Variants in LOXL1 observed in about 807,000 individuals in gnomAD.
LOXL1 encodes the protein lysyl oxidase like 1, also known as lysyl oxidase homolog 1.
In LOXL1, 31 loss-of-function variants were observed where a neutral mutation model predicts 62.2. The observed-to-expected ratio is 0.50, with a 90% CI of 0.37 to 0.67. The LOEUF is 0.67. Among genes scored for constraint, LOXL1 ranks in the 30% least tolerant of loss-of-function variants. The probability of loss-of-function intolerance (pLI) is 0.00; values close to 1 mark genes in which losing one functional copy is unlikely to be tolerated. For missense variants in LOXL1, 775 were observed against 843.4 expected (o/e 0.92, Z 1.00); for synonymous variants, 403 against 384.4 (o/e 1.05, Z -0.56).
At chr15:73,947,460 A>AT in intron 4 of LOXL1, 1 of 520,810 alleles carries the variant, frequency 1.9e-6, no homozygotes, top group East Asian at 3.1e-5. Context: ...AGAAGGAAAC[A>AT]TCGCAACAGT....
chr15:73,927,383 G>A lies in LOXL1; in HGVS notation c.600G>A (p.Gln200=). ...ACCCCGCGTCGCGGACCTACGACCA[G>A]GGTTTCGTGTACTACCGGCCCGCGG... The part of the protein sequence containing the change: ...NYDPASRTYD[Q]GFVYYRPAGG... Residue 200 remains glutamine, a synonymous_variant, in exon 1 of 7, where the codon CAG becomes CAA. Transcript: ENST00000261921. The A allele has an allele frequency of 1.9e-6, 3 of 1,585,950 alleles. No homozygotes were observed. The highest frequency in any genetic ancestry group is 2.3e-5 in the South Asian group (2 of 88,460).
intron 1 of LOXL1, among the ~76,000 whole-genome samples, chr15:73,938,002 G>T (rs552349187): frequency 6.6e-6 from 1 of 152,178 alleles, no homozygotes; most frequent in Non-Finnish European, 1.5e-5. Context: ...AAAACAGGAG[G>T]CTGGCCGGGT....
intron 1 of LOXL1, chr15:73,928,176 C>T (rs546438103): frequency 1.4e-5 from 5 of 359,336 alleles, no homozygotes; most frequent in South Asian, 1.4e-4. Flanking sequence ...GGAGGAGGCT[C>T]GCCTTCTGCA....
chr15:73,944,963 G>C (rs1372511244), intron 2 of LOXL1, among the ~76,000 whole-genome samples: 1 of 152,172 alleles, frequency 6.6e-6, no homozygotes, highest in Non-Finnish European at 1.5e-5. Flanking sequence ...CTTAGGATCG[G>C]ACCTTAATGA....
chr15:73,944,884 C>T lies in LOXL1; in HGVS notation c.1212-1533C>T, dbSNP rs530089119. On this transcript the variant is annotated intron_variant, in intron 2 of 6. Coordinates refer to ENST00000261921, the MANE Select transcript of LOXL1 (RefSeq NM_005576.4). ...TTTCATCCTGGCAGACAGTCTGAGC[C>T]GCCTGTTGTCCAGACATTCTCTCAA... Among the ~76,000 whole-genome samples, 14 of 152,304 alleles carry T rather than the reference C, an allele frequency of 9.2e-5. No individual in the cohort carries two copies. In the South Asian group the frequency reaches 1.7e-3, roughly 18 times the overall value.
intron 1 of LOXL1, among the ~76,000 whole-genome samples, chr15:73,940,352 C>G (rs868123988): frequency 6.6e-6 from 1 of 152,054 alleles, no homozygotes; most frequent in Admixed American, 6.6e-5. Flanking sequence ...TCCAATTCTC[C>G]ACATGCAGTA....
In LOXL1 at chr15:73,926,894, C is replaced by G; in HGVS notation, c.111C>G (p.Ala37=). ...QAQPGQGSDP[A]RWRQLIQWEN... ...AGCCCGGGCAGGGCTCGGACCCCGCCCGCTGGCGGCAGCTGATCCAGTGGG... is the reference window on the plus strand; with the variant it reads ...AGCCCGGGCAGGGCTCGGACCCCGCGCGCTGGCGGCAGCTGATCCAGTGGG... Residue 37 remains alanine, a synonymous_variant, in exon 1 of 7, where the codon GCC becomes GCG. Coordinates refer to ENST00000261921, the MANE Select transcript of LOXL1 (RefSeq NM_005576.4). The G allele has an allele frequency of 6.4e-7, 1 of 1,564,630 alleles. No homozygotes were observed. Among genetic ancestry groups the G allele is most frequent in the Non-Finnish European group, 8.7e-7 (1 of 1,155,536 alleles).
chr15:73,942,809 C>A, intron 1 of LOXL1, 45 bp from the exon 2 acceptor site: 1 of 1,217,314 alleles, frequency 8.2e-7, no homozygotes, highest in South Asian at 1.2e-5. Flanking sequence ...CTCTCAATGT[C>A]ATGCTCTTCC....
Position 73,927,421 on chromosome 15 carries a change from G to C in LOXL1, c.638G>C (p.Gly213Ala), listed in dbSNP as rs535750269. Residue 213 changes from glycine to alanine, a missense_variant, in exon 1 of 7, where the codon GGC becomes GCC. Gly to Ala is a moderately conservative substitution (Grantham distance 60). Transcript: ENST00000261921. ...VYYRPAGGGVGAGAAAVASAG... is the reference protein window; with the variant it reads ...VYYRPAGGGVAAGAAAVASAG... ...TACCGGCCCGCGGGCGGCGGCGTGG[G>C]CGCGGGGGCGGCGGCCGTGGCCTCG... The C allele has an allele frequency of 6.6e-7, 1 of 1,508,616 alleles. No homozygotes were observed. Among genetic ancestry groups the C allele is most frequent in the African/African-American group, 1.4e-5 (1 of 69,444 alleles). The allele number at this position is 1,508,616 out of a possible 1,614,324, so 93.5% of individuals were successfully genotyped here. A position where few individuals can be genotyped will look rare whatever the true frequency, so the allele number is the denominator to read the frequency against.
At chr15:73,941,928 C>T (rs1433966774) in intron 1 of LOXL1, 6 of 252,858 alleles carry the variant, frequency 2.4e-5, no homozygotes, top group Admixed American at 2.4e-4. Context: ...GGGGCAGGAA[C>T]AGGACGGACA....
intron 1 of LOXL1, among the ~76,000 whole-genome samples, chr15:73,936,028 A>G (rs78785362): frequency 2.6e-5 from 2 of 77,650 alleles, no homozygotes; most frequent in Non-Finnish European, 6.5e-5. Flanking sequence ...CCATGGAGTC[A>G]GGGGGTAAAA....
intron 6 of LOXL1, among the ~76,000 whole-genome samples, chr15:73,951,516 A>C (rs898809513): frequency 1.3e-5 from 2 of 152,130 alleles, no homozygotes; most frequent in African/African-American, 4.8e-5. Context: ...GCTTAAAAAA[A>C]AAAAAGTACT....
At chr15:73,942,030 GC>G in intron 1 of LOXL1, 1 of 181,042 alleles carries the variant, frequency 5.5e-6, no homozygotes, top group Non-Finnish European at 1.3e-5. Flanking sequence ...CCCAGGCCTT[GC>G]AGGGGAGAGA....
intron 2 of LOXL1, among the ~76,000 whole-genome samples, chr15:73,946,119 G>A (rs1186441175): frequency 6.6e-6 from 1 of 152,210 alleles, no homozygotes; most frequent in Non-Finnish European, 1.5e-5. Flanking sequence ...GTCACCTGCA[G>A]GTATCAGGGA....
intron 1 of LOXL1, 148 bp downstream of exon 1, chr15:73,928,033 A>G (rs1364682184): frequency 1.4e-5 from 9 of 637,704 alleles, no homozygotes; most frequent in Non-Finnish European, 2.0e-5. Flanking sequence ...ACTTCCCCCG[A>G]CCCAGCCAAC....
chr15:73,927,475 G>A lies in LOXL1; in HGVS notation c.692G>A (p.Arg231Gln). The A allele has an allele frequency of 6.9e-7, 1 of 1,452,938 alleles. No individual in the cohort carries two copies. Among genetic ancestry groups the A allele is most frequent in the Non-Finnish European group, 9.0e-7 (1 of 1,106,994 alleles). 90.0% of individuals were successfully genotyped at this position (1,452,938 alleles called of 1,614,324 possible). Residue 231 changes from arginine (R) to glutamine (Q), a missense_variant, in exon 1 of 7, where the codon CGG becomes CAG. By Grantham distance (43) the Arg-to-Gln change is conservative. Coordinates refer to ENST00000261921, the MANE Select transcript of LOXL1 (RefSeq NM_005576.4). ...GGGGTCATCTACCCCTACCAGCCCC[G>A]GGCGCGCTACGAGGAGTACGGCGGC... ...SAGVIYPYQPRARYEEYGGGE... is the reference protein window; with the variant it reads ...SAGVIYPYQPQARYEEYGGGE...
chr15:73,947,687 C>A (rs2068757656), intron 4 of LOXL1, 120 bp from the exon 5 acceptor site: 2 of 704,494 alleles, frequency 2.8e-6, no homozygotes, highest in Admixed American at 4.6e-5. Flanking sequence ...GAGCAGTTGC[C>A]CTGGGCCAGG....
intron 1 of LOXL1, among the ~76,000 whole-genome samples, chr15:73,928,706 C>T (rs1434210789): frequency 6.6e-6 from 1 of 150,612 alleles, no homozygotes; most frequent in Non-Finnish European, 1.5e-5. Flanking sequence ...CTGAGGCTAA[C>T]TGAAAAATCA....
intron 6 of LOXL1, 30 bp from the exon 7 acceptor site, chr15:73,951,801 C>T (rs1314487609): frequency 6.5e-7 from 1 of 1,539,626 alleles, no homozygotes; most frequent in African/African-American, 1.4e-5. Context: ...TTTGCAGCCC[C>T]TCATTGACCC....
Sources: allele counts gnomAD v4.1 joint callset (sites outside exome capture counted in the v4.1 genomes callset), GRCh38; gene constraint gnomAD v4.1.1; transcripts MANE v1.5; gene names NCBI Gene and HGNC (gene_info 2026-07-23, HGNC 2026-07-21).